Variants in CLUH observed in about 807,000 individuals in gnomAD.
CLUH encodes the protein clustered mitochondria protein homolog.
CLUH carries 77 observed loss-of-function variants against 139.3 expected under a neutral mutation model. The ratio of observed to expected loss-of-function variants is 0.55; its 90% CI spans 0.46 to 0.67. The LOEUF is 0.67. CLUH is among the 30% of genes least tolerant of loss of function. CLUH has a pLI of 0.00. For missense variants in CLUH, 1,876 were observed against 1,875.8 expected (o/e 1.00, Z 0.00); for synonymous variants, 999 against 801.6 (o/e 1.25, Z -4.16).
At chr17:2,697,014 C>T (rs183378122) in intron 10 of CLUH, 72 bp from the exon 11 acceptor site, 21 of 1,241,746 alleles carry the variant, frequency 1.7e-5, no homozygotes, top group East Asian at 5.2e-5. Context: ...CCACGGCTCC[C>T]GGCAGCTGGG....
chr17:2,691,947 CCCCG>C (rs2069671589), intron 23 of CLUH, 52 bp from the exon 24 acceptor site: 17 of 1,177,260 alleles, frequency 1.4e-5, no homozygotes, highest in South Asian at 5.0e-5. Context: ...GCGGCCCCGC[CCCCG>C]CCCCGCCACG....
rs1292389571 is a variant in CLUH, at chr17:2,706,287, C to T, written c.101-1723G>A. ...GTCGCTCCCTTTCCCTGGATCCCCA[C>T]GAGCAAACGAGAAACAGGACCTCTA... On this transcript the variant is annotated intron_variant, in intron 1 of 25. Transcript: ENST00000651024. The surrounding 1 kb of genome is among the most constrained non-coding windows in gnomAD (Gnocchi z 4.6). Among the ~76,000 whole-genome samples the T allele has an allele frequency of 2.0e-5, 3 of 152,064 alleles. No individual in the cohort carries two copies. The highest frequency in any genetic ancestry group is 1.3e-4 in the Admixed American group (2 of 15,268).
At chr17:2,709,489 C>G (rs1327953785) in intron 1 of CLUH, among the ~76,000 whole-genome samples, 2 of 152,112 alleles carry the variant, frequency 1.3e-5, no homozygotes, top group Non-Finnish European at 1.5e-5. Flanking sequence ...CCCATAAGCC[C>G]CTAGACTCCT....
chr17:2,703,980 C>G lies in CLUH; in HGVS notation c.303+382G>C, dbSNP rs1210056992. 6.6e-6 allele frequency among the ~76,000 whole-genome samples: 1 copy of G among 152,178 alleles called. No individual in the cohort carries two copies. The highest frequency in any genetic ancestry group is 2.4e-5 in the African/African-American group (1 of 41,438). ...TTGCAAGACCTCCACGCTGGCTCTG[C>G]CCTTGGAGATAACCCAATACTACCC... On this transcript the variant is annotated intron_variant, in intron 2 of 25. Coordinates refer to ENST00000651024, the MANE Select transcript of CLUH (RefSeq NM_001366661.1). The surrounding 1 kb of genome is among the most constrained non-coding windows in gnomAD (Gnocchi z 4.2).
At position 2,697,974 on chromosome 17, in the gene CLUH, C is replaced by G; in HGVS notation, c.1883G>C (p.Arg628Pro). The G allele has an allele frequency of 6.3e-7, 1 of 1,580,378 alleles. No individual in the cohort carries two copies. Among genetic ancestry groups the G allele is most frequent in the Non-Finnish European group, 8.6e-7 (1 of 1,168,888 alleles). ...CCGGTGGGCGCGGGGGAAGCCGGCG[C>G]GGGCGCATTCCTCAGGCAGCTCCTC... ...PGEELPEECA[R>P]AGFPRAHRHK... Residue 628 changes from arginine (R) to proline (P), a missense_variant, in exon 10 of 26, where the codon CGC (arginine) becomes CCC (proline). This residue lies in a region of CLUH where 1,454 missense variants were observed against 1,384.4 expected (regional missense o/e 1.05). Coordinates refer to ENST00000651024, the MANE Select transcript of CLUH (RefSeq NM_001366661.1).
chr17:2,695,559 GCTCCTCTGCCTCCACCCAA>G, intron 13 of CLUH, 33 bp from the exon 14 acceptor site: 12 of 1,552,688 alleles, frequency 7.7e-6, no homozygotes, highest in Non-Finnish European at 9.5e-6. Flanking sequence ...CCCCCACCCA[GCTCCTCTGCCTCCACCCAA>G]CTGAGTCCTT....
Position 2,694,664 on chromosome 17 carries a change from C to T in CLUH, c.2853-100G>A. 1.5e-5 allele frequency: 20 copies of T among 1,347,808 alleles called. 1 individual carries two copies. In the South Asian group the frequency reaches 2.4e-4, roughly 16 times the overall value. The allele number at this position is 1,347,808 out of a possible 1,614,324, so 83.5% of individuals were successfully genotyped here. On this transcript the variant is annotated intron_variant, in intron 16 of 25. Transcript: ENST00000651024. ...AACGCTGTCCAGCCCGGGCCCCCAA[C>T]ACTGCCCCACCCGGCCCCCGGGAGC...
chr17:2,692,595 G>T lies in CLUH; in HGVS notation c.3414C>A (p.Asp1138Glu). 3.7e-6 allele frequency: 6 copies of T among 1,612,490 alleles called. No homozygotes were observed. Among genetic ancestry groups the T allele is most frequent in the Non-Finnish European group, 5.1e-6 (6 of 1,179,580 alleles). The change falls in exon 21 of 26, where the codon GAC (aspartate) becomes GAA (glutamate). Residue 1138 changes from aspartate (D) to glutamate (E), a missense_variant. Physicochemically the swap from Asp to Glu is conservative, Grantham distance 45 (BLOSUM62 2). Around this residue, in one of 3 missense-constraint regions of CLUH, gnomAD observed 1,454 missense variants for 1,384.4 expected, o/e 1.05. Coordinates refer to ENST00000651024, the MANE Select transcript of CLUH (RefSeq NM_001366661.1). Reference protein sequence around the residue: ...RYLMLLVFGEDHPEMALLDNN... With the variant: ...RYLMLLVFGEEHPEMALLDNN... ...CGTCCAGCAGCGCCATCTCGGGGTG[G>T]TCTTCCCCGAACACCAGCAGCATGA... is the stretch of plus-strand genomic sequence containing the variant.
Position 2,696,147 on chromosome 17 carries a change from C to T in CLUH, c.2391+12G>A. ...ACACAAGCCCCACCCAGCCCCGCAG[C>T]CCCTCCCTCACCAAGCCAGGGATCT... On this transcript the variant is annotated intron_variant, in intron 13 of 25. Coordinates refer to ENST00000651024, the MANE Select transcript of CLUH (RefSeq NM_001366661.1). 1 of 1,550,954 alleles carries T rather than the reference C, an allele frequency of 6.4e-7. No homozygotes were observed. The highest frequency in any genetic ancestry group is 8.7e-7 in the Non-Finnish European group (1 of 1,146,236).
At position 2,694,047 on chromosome 17, in the gene CLUH, G is replaced by A; in HGVS notation, c.3092-8C>T. 6.2e-7 allele frequency: 1 copy of A among 1,613,864 alleles called. No homozygotes were observed. The highest frequency in any genetic ancestry group is 1.1e-5 in the South Asian group (1 of 91,076). ...AGCCCTCCTTCAGGAAGCCTGCAGG[G>A]CACCCCCAGGGGTGGCAAGGTCAGG... is the stretch of plus-strand genomic sequence containing the variant. On this transcript the variant is annotated splice_region_variant and splice_polypyrimidine_tract_variant and intron_variant, in intron 18 of 25. Coordinates refer to ENST00000651024, the MANE Select transcript of CLUH (RefSeq NM_001366661.1).
At chr17:2,709,605 G>C (rs953358907) in intron 1 of CLUH, among the ~76,000 whole-genome samples, 1 of 152,088 alleles carries the variant, frequency 6.6e-6, no homozygotes, top group Non-Finnish European at 1.5e-5. Flanking sequence ...TGAAAAACCT[G>C]CCTGTTCTCT....
chr17:2,695,776 G>C (rs2069916651), intron 13 of CLUH: 1 of 598,392 alleles, frequency 1.7e-6, no homozygotes, highest in Non-Finnish European at 2.9e-6. Flanking sequence ...GGCACTACTT[G>C]ACCCCCAGCC....
intron 1 of CLUH, among the ~76,000 whole-genome samples, chr17:2,710,667 C>G (rs1341256707): frequency 6.6e-6 from 1 of 152,026 alleles, no homozygotes. Flanking sequence ...GTGGAGGGAA[C>G]AGAAGGAAGA....
At chr17:2,697,871 C>G (rs1359462289) in intron 10 of CLUH, 25 bp downstream of exon 10, 7 of 1,454,678 alleles carry the variant, frequency 4.8e-6, no homozygotes, top group African/African-American at 1.4e-5. Flanking sequence ...GGCCCCGGCC[C>G]TGGTCCGGCA....
chr17:2,692,984 A>T, intron 19 of CLUH, 124 bp from the exon 20 acceptor site: 1 of 883,280 alleles, frequency 1.1e-6, no homozygotes. Context: ...GGCTGCGCCC[A>T]GCACAGTGCA....
chr17:2,702,847 G>A (rs1051256545), intron 3 of CLUH, among the ~76,000 whole-genome samples: 29 of 150,390 alleles, frequency 1.9e-4, no homozygotes, highest in African/African-American at 4.2e-4. Flanking sequence ...TTTTTGAGAC[G>A]GAGTTTCGTT....
chr17:2,695,192 C>T (rs1404994002), intron 15 of CLUH, 26 bp downstream of exon 15: 5 of 1,613,656 alleles, frequency 3.1e-6, no homozygotes, highest in Non-Finnish European at 4.2e-6. Flanking sequence ...GAGGCCATGG[C>T]CAGCCGCAGA....
chr17:2,695,943 A>C (rs1322925629), intron 13 of CLUH: 5 of 594,416 alleles, frequency 8.4e-6, no homozygotes, highest in Middle Eastern at 4.5e-4. Context: ...AGAAGACTGG[A>C]TTACCAGCTG....
At chr17:2,695,184 G>A in intron 15 of CLUH, 34 bp downstream of exon 15, 4 of 1,613,828 alleles carry the variant, frequency 2.5e-6, no homozygotes, top group Middle Eastern at 3.3e-4. Context: ...CACCCTGGGA[G>A]GCCATGGCCA....
Sources: gnomAD v4.1 joint callset for allele counts (sites outside exome capture counted in the v4.1 genomes callset) on GRCh38, gnomAD v4.1.1 for gene constraint, gnomAD v4.1.1 regional missense constraint, Gnocchi (gnomAD v3.1) non-coding constraint, MANE v1.5 for transcripts, NCBI Gene and HGNC (gene_info 2026-07-23, HGNC 2026-07-21) for gene names.